Variants in LRP12 observed in about 807,000 individuals in gnomAD.
LRP12 encodes low-density lipoprotein receptor-related protein 12.
A neutral mutation model predicts 66.0 loss-of-function variants in LRP12; 14 were observed. The ratio of observed to expected loss-of-function variants is 0.21; its 90% CI spans 0.14 to 0.33. The LOEUF is 0.33. Ranked by LOEUF, LRP12 falls within the 10% of genes least tolerant of loss-of-function variation. The probability of loss-of-function intolerance (pLI) is 1.00; values close to 1 mark genes in which losing one functional copy is unlikely to be tolerated. For missense variants in LRP12, 889 were observed against 1,053.4 expected (o/e 0.84, Z 2.16); for synonymous variants, 357 against 359.1 (o/e 0.99, Z 0.07).
At chr8:104,545,911 C>T (rs3134531) in intron 1 of LRP12, among the ~76,000 whole-genome samples, 28,630 of 151,878 alleles carry the variant, frequency 0.19, 3,112 homozygotes, top group East Asian at 0.37. Context: ...GGGTAATTAG[C>T]TTGTAGATTA....
At chr8:104,584,011 A>C (rs1464154106) in intron 1 of LRP12, among the ~76,000 whole-genome samples, 2 of 152,030 alleles carry the variant, frequency 1.3e-5, no homozygotes, top group African/African-American at 4.8e-5. Context: ...ACTTAAAAAG[A>C]AGAGACTCTG....
intron 1 of LRP12, among the ~76,000 whole-genome samples, chr8:104,554,947 T>A: frequency 6.6e-6 from 1 of 152,162 alleles, no homozygotes; most frequent in East Asian, 1.9e-4. Context: ...CCTTACAAGC[T>A]AGAAGGGATT....
Position 104,498,053 on chromosome 8 carries a change from C to G in LRP12, c.499G>C (p.Ala167Pro), listed in dbSNP as rs1174519895. The G allele has an allele frequency of 6.2e-7, 1 of 1,600,082 alleles. No homozygotes were observed. Among genetic ancestry groups the G allele is most frequent in the Non-Finnish European group, 8.5e-7 (1 of 1,172,444 alleles). The change falls in exon 5 of 7, where the codon GCT (alanine) becomes CCT (proline). Residue 167 changes from alanine to proline, a missense_variant. Transcript: ENST00000276654. ...TTACCACAACGAAACTGATCACAAG[C>G]ACAATTTGGTTCCTCAGATTTCCCT... ...FSGKSEEPNCACDQFRCGNGK... is the reference protein window; with the variant it reads ...FSGKSEEPNCPCDQFRCGNGK...
chr8:104,534,162 A>G (rs536065853), intron 1 of LRP12, among the ~76,000 whole-genome samples: 39 of 152,124 alleles, frequency 2.6e-4, no homozygotes, highest in African/African-American at 8.9e-4. Context: ...AAATAATTAT[A>G]TATGTACTAA....
chr8:104,501,482 T>C (rs2140836397), intron 3 of LRP12, among the ~76,000 whole-genome samples: 1 of 152,156 alleles, frequency 6.6e-6, no homozygotes, highest in African/African-American at 2.4e-5. Flanking sequence ...GGCAGATCAC[T>C]TGAGGTCAGG....
intron 1 of LRP12, among the ~76,000 whole-genome samples, chr8:104,542,404 G>C (rs148900865): frequency 2.8e-3 from 420 of 152,150 alleles, no homozygotes; most frequent in Middle Eastern, 6.8e-3. Context: ...TTGATCCCTT[G>C]GTTAGATACA....
chr8:104,554,676 G>A (rs1177680797), intron 1 of LRP12, among the ~76,000 whole-genome samples: 1 of 152,082 alleles, frequency 6.6e-6, no homozygotes, highest in African/African-American at 2.4e-5. Context: ...AGGAAGAATA[G>A]AAATCTGAAA....
rs144250537 is a variant in LRP12, at chr8:104,545,876, G to A, written c.80-13913C>T. Among the ~76,000 whole-genome samples the A allele has an allele frequency of 6.0e-3, 915 of 152,154 alleles. 9 individuals are homozygous for A. The highest frequency in any genetic ancestry group is 0.013 in the Admixed American group (191 of 15,280). Reference sequence around the variant, plus strand: ...CTAATTTTTCTTCTTGGTTTATTAAGTTTTATAGCTTATTACTAAACAGTG... The same window carrying A: ...CTAATTTTTCTTCTTGGTTTATTAAATTTTATAGCTTATTACTAAACAGTG... On this transcript the variant is annotated intron_variant, in intron 1 of 6. Coordinates refer to ENST00000276654, the MANE Select transcript of LRP12 (RefSeq NM_013437.5).
At chr8:104,585,512 C>A (rs868498752) in intron 1 of LRP12, among the ~76,000 whole-genome samples, 2 of 152,308 alleles carry the variant, frequency 1.3e-5, no homozygotes, top group African/African-American at 4.8e-5. Context: ...AGGCTTGAGT[C>A]ACCACGCCTG....
intron 2 of LRP12, among the ~76,000 whole-genome samples, chr8:104,517,007 A>G (rs962704488): frequency 2.6e-5 from 4 of 151,968 alleles, no homozygotes; most frequent in Non-Finnish European, 5.9e-5. Flanking sequence ...GATTTTAATA[A>G]ATCACAAAAC....
At chr8:104,534,176 GGATA>G (rs1237709346) in intron 1 of LRP12, among the ~76,000 whole-genome samples, 2 of 151,768 alleles carry the variant, frequency 1.3e-5, no homozygotes, top group African/African-American at 2.4e-5. Context: ...GTACTAACTT[GGATA>G]GATACACATA....
chr8:104,531,872 T>G (rs751056229), intron 2 of LRP12, 35 bp downstream of exon 2: 1 of 1,380,104 alleles, frequency 7.2e-7, no homozygotes, highest in South Asian at 1.3e-5. Context: ...ATATAAGTCA[T>G]GCATGAAATT....
intron 2 of LRP12, among the ~76,000 whole-genome samples, chr8:104,517,248 C>A (rs1405005600): frequency 6.7e-6 from 1 of 150,068 alleles, no homozygotes; most frequent in East Asian, 1.9e-4. Context: ...GGCAAAGTAT[C>A]ACATGTTCAG....
At chr8:104,508,085 C>A (rs191436642) in intron 3 of LRP12, 2 of 152,252 alleles carry the variant, frequency 1.3e-5, no homozygotes, top group East Asian at 3.9e-4. Flanking sequence ...TTGAAGGTGC[C>A]TTTGTGCTAC....
At chr8:104,518,352 G>C (rs1200568490) in intron 2 of LRP12, among the ~76,000 whole-genome samples, 1 of 151,908 alleles carries the variant, frequency 6.6e-6, no homozygotes, top group African/African-American at 2.4e-5. Flanking sequence ...ATTTTTCTAA[G>C]GTCACAAAAA....
intron 1 of LRP12, among the ~76,000 whole-genome samples, chr8:104,548,382 A>T (rs1430637504): frequency 4.6e-5 from 4 of 87,002 alleles, no homozygotes; most frequent in African/African-American, 6.1e-5. Context: ...TATTATATAA[A>T]TATATAATAT....
chr8:104,514,457 C>A (rs1021944616), intron 2 of LRP12, among the ~76,000 whole-genome samples: 1 of 151,402 alleles, frequency 6.6e-6, no homozygotes, highest in African/African-American at 2.4e-5. Flanking sequence ...GCATGTAATC[C>A]CAGCACTTTG....
chr8:104,557,795 A>C (rs936659936), intron 1 of LRP12, among the ~76,000 whole-genome samples: 9 of 152,200 alleles, frequency 5.9e-5, no homozygotes, highest in African/African-American at 2.2e-4. Context: ...GAAACCAAAA[A>C]AGAGCTCACA....
At chr8:104,510,081 C>G (rs1488759916) in intron 2 of LRP12, among the ~76,000 whole-genome samples, 2 of 152,200 alleles carry the variant, frequency 1.3e-5, no homozygotes, top group Non-Finnish European at 2.9e-5. Context: ...TTTCAAAACT[C>G]ATCTTTCAAG....
Sources: gnomAD v4.1 joint callset for allele counts (sites outside exome capture counted in the v4.1 genomes callset) on GRCh38, gnomAD v4.1.1 for gene constraint, MANE v1.5 for transcripts, NCBI Gene and HGNC (gene_info 2026-07-23, HGNC 2026-07-21) for gene names.